Variants in SLC1A1 observed in about 807,000 individuals in gnomAD.
SLC1A1 encodes solute carrier family 1 member 1.
A neutral mutation model predicts 53.3 loss-of-function variants in SLC1A1; 43 were observed. That is an observed-to-expected ratio of 0.81 (90% confidence interval 0.63 to 1.04). The LOEUF is 1.04. Ranked by LOEUF, SLC1A1 falls within the 50% of genes least tolerant of loss-of-function variation. The probability of loss-of-function intolerance (pLI) is 0.00; values close to 1 mark genes in which losing one functional copy is unlikely to be tolerated. For missense variants in SLC1A1, 748 were observed against 664.9 expected, an observed-to-expected ratio of 1.12 and a Z score of -1.37; for synonymous variants, 307 against 243.2, an observed-to-expected ratio of 1.26 and a Z score of -2.44.
At chr9:4,567,445 T>C (rs866212393) in intron 5 of SLC1A1, among the ~76,000 whole-genome samples, 44 of 152,280 alleles carry the variant, frequency 2.9e-4, no homozygotes, top group African/African-American at 9.1e-4. Context: ...TTTGACATAA[T>C]TGAATGGTGA....
intron 1 of SLC1A1, among the ~76,000 whole-genome samples, chr9:4,540,761 G>C (rs996495199): frequency 7.2e-5 from 11 of 152,198 alleles, no homozygotes; most frequent in African/African-American, 2.7e-4. Context: ...ACCTGCAACG[G>C]TGTCAGGGAA....
intron 2 of SLC1A1, among the ~76,000 whole-genome samples, chr9:4,545,188 T>C (rs57449309): frequency 1.9e-4 from 27 of 139,612 alleles, no homozygotes; most frequent in African/African-American, 7.7e-4. Context: ...ATACATTAGA[T>C]GTCTCTCTCT....
intron 5 of SLC1A1, among the ~76,000 whole-genome samples, chr9:4,566,504 G>T (rs1228541736): frequency 4.6e-5 from 7 of 152,102 alleles, no homozygotes; most frequent in Admixed American, 4.6e-4. Context: ...TAGAACCCAG[G>T]ATCTAACCCT....
Position 4,573,999 on chromosome 9 carries a change from C to T in SLC1A1, c.860C>T (p.Ala287Val), listed in dbSNP as rs1290975121. 6.2e-7 allele frequency: 1 copy of T among 1,608,616 alleles called. No individual in the cohort carries two copies. The highest frequency in any genetic ancestry group is 8.5e-7 in the Non-Finnish European group (1 of 1,174,942). ...TTCCGCAAGCTGGGCCTTTACATGG[C>T]CACAGTCCTGACTGGGTATGTCAGA... ...EIFRKLGLYM[A>V]TVLTGLAIHS... The change falls in exon 8 of 12, where the codon GCC (alanine) becomes GTC (valine). Residue 287 changes from alanine to valine, a missense_variant. Physicochemically the swap from Ala to Val is moderately conservative, Grantham distance 64. Coordinates refer to ENST00000262352, the MANE Select transcript of SLC1A1 (RefSeq NM_004170.6).
At chr9:4,519,923 T>C (rs1442821167) in intron 1 of SLC1A1, among the ~76,000 whole-genome samples, 1 of 152,240 alleles carries the variant, frequency 6.6e-6, no homozygotes, top group Non-Finnish European at 1.5e-5. Flanking sequence ...TTAATGACAG[T>C]TGATTTTTTC....
At chr9:4,517,657 C>T (rs1815902781) in intron 1 of SLC1A1, among the ~76,000 whole-genome samples, 3 of 152,190 alleles carry the variant, frequency 2.0e-5, no homozygotes, top group Non-Finnish European at 4.4e-5. Flanking sequence ...GCTGAGCTCA[C>T]AAAATTTAAC....
At chr9:4,577,980 T>C (rs146055718) in intron 10 of SLC1A1, among the ~76,000 whole-genome samples, 214 of 152,278 alleles carry the variant, frequency 1.4e-3, no homozygotes, top group African/African-American at 4.6e-3. Flanking sequence ...CCAGGATGAC[T>C]CCCAGGATTG....
At position 4,544,753 on chromosome 9, in the gene SLC1A1, C is replaced by T. The variant is rs1210066631; in HGVS notation, c.232+46C>T. ...TTCTCTATATTAGTCCATTTTCATA[C>T]TGCTGTAAAGAACTTCCTGAGACTA... On this transcript the variant is annotated intron_variant, in intron 2 of 11. Coordinates refer to ENST00000262352, the MANE Select transcript of SLC1A1 (RefSeq NM_004170.6). 3 of 1,510,668 alleles carry T rather than the reference C, an allele frequency of 2.0e-6. No individual in the cohort carries two copies. In the Admixed American group the frequency reaches 5.0e-5, roughly 25 times the overall value. 93.6% of individuals were successfully genotyped at this position (1,510,668 alleles called of 1,614,324 possible).
chr9:4,580,789 T>C (rs1387996373), intron 10 of SLC1A1, among the ~76,000 whole-genome samples: 2 of 152,114 alleles, frequency 1.3e-5, no homozygotes, highest in East Asian at 3.8e-4. Flanking sequence ...GTAGCAGTAG[T>C]AATAATACCA....
At chr9:4,503,608 A>C (rs1303451599) in intron 1 of SLC1A1, among the ~76,000 whole-genome samples, 1 of 151,846 alleles carries the variant, frequency 6.6e-6, no homozygotes, top group Non-Finnish European at 1.5e-5. Context: ...GGAACGAGCA[A>C]GTCTGTATAA....
intron 10 of SLC1A1, 59 bp downstream of exon 10, chr9:4,576,822 A>G: frequency 6.7e-7 from 1 of 1,501,104 alleles, no homozygotes; most frequent in Non-Finnish European, 9.3e-7. Flanking sequence ...GCCAGTAAAA[A>G]TTGTCCATGA....
chr9:4,540,562 C>A (rs896522169), intron 1 of SLC1A1, among the ~76,000 whole-genome samples: 1 of 152,224 alleles, frequency 6.6e-6, no homozygotes, highest in Non-Finnish European at 1.5e-5. Flanking sequence ...CCACTAGACA[C>A]TGCCTCAGGA....
At chr9:4,496,685 A>G (rs1820435777) in intron 1 of SLC1A1, among the ~76,000 whole-genome samples, 1 of 151,138 alleles carries the variant, frequency 6.6e-6, no homozygotes, top group Admixed American at 6.6e-5. Context: ...GCTTGAGGCT[A>G]GGAGTTCAAG....
At chr9:4,511,650 C>T (rs1417647933) in intron 1 of SLC1A1, among the ~76,000 whole-genome samples, 1 of 151,848 alleles carries the variant, frequency 6.6e-6, no homozygotes. Context: ...AATGCTTTCC[C>T]CCTAAGAGCA....
At chr9:4,520,191 G>C (rs940171637) in intron 1 of SLC1A1, among the ~76,000 whole-genome samples, 1 of 152,148 alleles carries the variant, frequency 6.6e-6, no homozygotes, top group South Asian at 2.1e-4. Flanking sequence ...ATTTCCAGAC[G>C]GTGAGACTTT....
chr9:4,544,891 T>C (rs953629638), intron 2 of SLC1A1, among the ~76,000 whole-genome samples, 184 bp downstream of exon 2: 2 of 152,112 alleles, frequency 1.3e-5, no homozygotes, highest in Admixed American at 6.5e-5. Context: ...ACAACCTCCT[T>C]CACAAGGTGG....
At chr9:4,516,499 C>T (rs781154898) in intron 1 of SLC1A1, among the ~76,000 whole-genome samples, 2 of 152,146 alleles carry the variant, frequency 1.3e-5, no homozygotes, top group African/African-American at 4.8e-5. Context: ...AACCTTTACC[C>T]GACCCAAACT....
At chr9:4,562,869 A>G (rs1819094138) in intron 3 of SLC1A1, among the ~76,000 whole-genome samples, 1 of 150,384 alleles carries the variant, frequency 6.6e-6, no homozygotes, top group African/African-American at 2.4e-5. Flanking sequence ...TAATGCCGCA[A>G]TAAACATACG....
At chr9:4,568,819 T>C (rs1456188050) in intron 6 of SLC1A1, among the ~76,000 whole-genome samples, 1 of 152,184 alleles carries the variant, frequency 6.6e-6, no homozygotes, top group Non-Finnish European at 1.5e-5. Flanking sequence ...TAAGCTTCAT[T>C]CAGGCATGAG....
Sources: gnomAD v4.1 joint callset for allele counts (sites outside exome capture counted in the v4.1 genomes callset) on GRCh38, gnomAD v4.1.1 for gene constraint, MANE v1.5 for transcripts, NCBI Gene and HGNC (gene_info 2026-07-23, HGNC 2026-07-21) for gene names.